ACAD11: variants seen among roughly 807,000 people sequenced by gnomAD.
ACAD11 encodes acyl-Coenzyme A dehydrogenase family, member 11.
In ACAD11, 83 loss-of-function variants were observed where a neutral mutation model predicts 102.2. That is an observed-to-expected ratio of 0.81 (90% confidence interval 0.68 to 0.97). The LOEUF (loss-of-function observed/expected upper bound fraction) is 0.97. Ranked by LOEUF, ACAD11 falls within the 50% of genes least tolerant of loss-of-function variation. The probability of loss-of-function intolerance (pLI) is 0.00; values close to 1 mark genes in which losing one functional copy is unlikely to be tolerated. For missense variants in ACAD11, 901 were observed against 951.7 expected (o/e 0.95, Z 0.70); for synonymous variants, 324 against 319.8 (o/e 1.01, Z -0.14).
chr3:132,642,138 G>A lies in ACAD11; in HGVS notation c.376-5C>T. 6.2e-7 allele frequency: 1 copy of A among 1,610,490 alleles called. No homozygotes were observed. Among genetic ancestry groups the A allele is most frequent in the Non-Finnish European group, 8.5e-7 (1 of 1,177,810 alleles). ...TAAATCACGGAAGATTCGACCCTAT[G>A]GAAGTGATTACAACAGATTATTTAA... On this transcript the variant is annotated splice_polypyrimidine_tract_variant and splice_region_variant and intron_variant, in intron 3 of 19. Transcript: ENST00000264990.
chr3:132,650,787 C>T (rs904490913), intron 1 of ACAD11, among the ~76,000 whole-genome samples: 3 of 152,132 alleles, frequency 2.0e-5, no homozygotes, highest in East Asian at 3.9e-4. Flanking sequence ...ACCTTGAGAC[C>T]ACCGGAACTG....
At chr3:132,626,623 G>A in intron 9 of ACAD11, 68 bp downstream of exon 9, 2 of 1,570,510 alleles carry the variant, frequency 1.3e-6, no homozygotes, top group South Asian at 2.3e-5. Flanking sequence ...TCTCCTATAA[G>A]CAGAAATAAC....
At chr3:132,641,371 A>G (rs1298326572) in intron 4 of ACAD11, among the ~76,000 whole-genome samples, 1 of 151,988 alleles carries the variant, frequency 6.6e-6, no homozygotes, top group Non-Finnish European at 1.5e-5. Flanking sequence ...GTGAAACCCC[A>G]TGTCTACTAA....
intron 11 of ACAD11, among the ~76,000 whole-genome samples, chr3:132,612,954 C>T (rs868196818): frequency 2.6e-5 from 4 of 151,948 alleles, no homozygotes; most frequent in Admixed American, 1.3e-4. Flanking sequence ...CTATTCACAA[C>T]AGCAAAGACT....
At chr3:132,646,631 A>G (rs1479845100) in intron 1 of ACAD11, 5 of 152,226 alleles carry the variant, frequency 3.3e-5, no homozygotes, top group African/African-American at 1.2e-4. Flanking sequence ...TAACACAAAA[A>G]CTTGTACATG....
At chr3:132,560,212 ACT>A (rs1937011953) in intron 18 of ACAD11, among the ~76,000 whole-genome samples, 1 of 152,126 alleles carries the variant, frequency 6.6e-6, no homozygotes, top group Non-Finnish European at 1.5e-5. Flanking sequence ...GATAAATCAC[ACT>A]CATCACCTTA....
intron 17 of ACAD11, among the ~76,000 whole-genome samples, chr3:132,569,598 C>T (rs1399558685): frequency 6.6e-6 from 1 of 152,072 alleles, no homozygotes; most frequent in Non-Finnish European, 1.5e-5. Context: ...AACAGTTAAA[C>T]AAACTGTAGT....
intron 13 of ACAD11, among the ~76,000 whole-genome samples, chr3:132,582,060 CTTATATTAAA>C: frequency 6.6e-6 from 1 of 151,710 alleles, no homozygotes; most frequent in South Asian, 2.1e-4. Flanking sequence ...TATACATATT[CTTATATTAAA>C]GTAGAGCTTG....
rs769662658 is a variant in ACAD11, at chr3:132,575,823, C to G, written c.1950G>C (p.Met650Ile). 2.5e-6 allele frequency: 4 copies of G among 1,613,954 alleles called. No individual in the cohort carries two copies. The highest frequency in any genetic ancestry group is 3.3e-5 in the Admixed American group (2 of 59,988). Residue 650 changes from methionine to isoleucine, a missense_variant, in exon 17 of 20, where the codon ATG becomes ATC. By Grantham distance (10) the Met-to-Ile change is conservative. Coordinates refer to ENST00000264990, the MANE Select transcript of ACAD11 (RefSeq NM_032169.5). Reference sequence around the variant, plus strand: ...CTATCCTTTGTGTTGCCCGCTCACACATGATCTGCAAAGCGCGTTCCGCCA... The same window carrying G: ...CTATCCTTTGTGTTGCCCGCTCACAGATGATCTGCAAAGCGCGTTCCGCCA... ...VGLAERALQI[M>I]CERATQRIAF...
chr3:132,644,908 T>C lies in ACAD11; in HGVS notation c.150-12A>G. On this transcript the variant is annotated splice_polypyrimidine_tract_variant and intron_variant, in intron 1 of 19. Transcript: ENST00000264990. ...TGGACTTTCCTGCTCTAGATAAAAG[T>C]AAAAAAAAAAAAGGTCAATTACAAA... 8.0e-7 allele frequency: 1 copy of C among 1,257,290 alleles called. No homozygotes were observed. The highest frequency in any genetic ancestry group is 2.3e-5 in the Admixed American group (1 of 42,680). 77.9% of individuals were successfully genotyped at this position (1,257,290 alleles called of 1,614,324 possible).
chr3:132,559,980 A>C (rs921474955), intron 18 of ACAD11, 38 bp from the exon 19 acceptor site: 4 of 1,524,366 alleles, frequency 2.6e-6, no homozygotes, highest in Non-Finnish European at 2.7e-6. Flanking sequence ...CTTCTTTCTT[A>C]GACTATACAC....
chr3:132,587,348 T>C (rs1411083481), intron 13 of ACAD11, among the ~76,000 whole-genome samples: 1 of 152,202 alleles, frequency 6.6e-6, no homozygotes, highest in African/African-American at 2.4e-5. Flanking sequence ...GTAATTTCTG[T>C]TGTCTATCTT....
At chr3:132,590,088 A>G (rs1299039357) in intron 13 of ACAD11, among the ~76,000 whole-genome samples, 1 of 152,192 alleles carries the variant, frequency 6.6e-6, no homozygotes, top group East Asian at 1.9e-4. Context: ...TGTACCACAT[A>G]TTCTTTATCC....
intron 1 of ACAD11, among the ~76,000 whole-genome samples, chr3:132,657,049 T>C (rs1937847874): frequency 6.6e-6 from 1 of 152,180 alleles, no homozygotes; most frequent in Non-Finnish European, 1.5e-5. Flanking sequence ...TCCTTTGTGG[T>C]TTCTGCTGTT....
chr3:132,646,639 A>T (rs1940728610), intron 1 of ACAD11: 1 of 152,244 alleles, frequency 6.6e-6, no homozygotes, highest in African/African-American at 2.4e-5. Flanking sequence ...AAACTTGTAC[A>T]TGAATGTTCA....
intron 14 of ACAD11, 23 bp from the exon 15 acceptor site, chr3:132,578,904 T>C (rs1235022287): frequency 6.2e-7 from 1 of 1,610,694 alleles, no homozygotes. Flanking sequence ...AAAATTGTAT[T>C]AGAAAAAGTT....
chr3:132,624,570 A>G (rs1021770143), intron 9 of ACAD11, among the ~76,000 whole-genome samples: 21 of 143,134 alleles, frequency 1.5e-4, no homozygotes, highest in African/African-American at 5.2e-4. Flanking sequence ...GTGCCACTGC[A>G]CTCCAGCCTG....
chr3:132,593,570 C>T (rs746280144), intron 13 of ACAD11, among the ~76,000 whole-genome samples: 4 of 152,256 alleles, frequency 2.6e-5, no homozygotes, highest in Middle Eastern at 3.4e-3. Flanking sequence ...ACAGACATTT[C>T]TATACATTAT....
intron 11 of ACAD11, among the ~76,000 whole-genome samples, chr3:132,617,064 T>C (rs567397334): frequency 6.6e-6 from 1 of 152,298 alleles, no homozygotes; most frequent in African/African-American, 2.4e-5. Context: ...GGTAGAGCTT[T>C]AGCACCAGGG....
Sources: allele counts gnomAD v4.1 joint callset (sites outside exome capture counted in the v4.1 genomes callset), GRCh38; gene constraint gnomAD v4.1.1; transcripts MANE v1.5; gene names NCBI Gene and HGNC (gene_info 2026-07-23, HGNC 2026-07-21).